The following STX7 variants were observed in gnomAD, a reference collection of about 807,000 sequenced individuals.
The protein encoded by STX7 is syntaxin 7.
In STX7, 34 loss-of-function variants were observed where a neutral mutation model predicts 39.6. The observed-to-expected ratio is 0.86, with a 90% CI of 0.65 to 1.14. STX7 has a LOEUF of 1.14. Ranked by LOEUF, STX7 falls within the 50% of genes most tolerant of loss-of-function variation. The pLI, the probability that STX7 is intolerant of heterozygous loss-of-function variation, is 0.00. For missense variants in STX7, 284 were observed against 310.4 expected (o/e 0.92, Z 0.64); for synonymous variants, 119 against 99.1 (o/e 1.20, Z -1.19).
intron 2 of STX7, among the ~76,000 whole-genome samples, chr6:132,494,261 G>A (rs1184882958): frequency 1.3e-5 from 2 of 152,042 alleles, no homozygotes; most frequent in Non-Finnish European, 2.9e-5. Context: ...CAAAAAACCT[G>A]TATAGTGTGA....
At chr6:132,496,078 G>T (rs945010292) in intron 2 of STX7, among the ~76,000 whole-genome samples, 1 of 152,040 alleles carries the variant, frequency 6.6e-6, no homozygotes, top group Non-Finnish European at 1.5e-5. Flanking sequence ...CCCCTAGAAG[G>T]TTCTGTCTTT....
chr6:132,470,807 C>T (rs11759401), intron 5 of STX7, among the ~76,000 whole-genome samples, 181 bp from the exon 6 acceptor site: 35,734 of 151,736 alleles, frequency 0.24, 4,531 homozygotes, highest in East Asian at 0.54. Flanking sequence ...TTCAGGTCAA[C>T]TGCTTCAAGT....
intron 2 of STX7, among the ~76,000 whole-genome samples, chr6:132,482,122 C>T (rs541877240): frequency 1.3e-5 from 2 of 152,112 alleles, no homozygotes; most frequent in African/African-American, 2.4e-5. Flanking sequence ...AAGATCAAAA[C>T]GTACGTAAGA....
At chr6:132,471,978 T>C (rs993416368) in intron 4 of STX7, among the ~76,000 whole-genome samples, 2 of 152,198 alleles carry the variant, frequency 1.3e-5, no homozygotes, top group African/African-American at 4.8e-5. Flanking sequence ...TGAATGAGCC[T>C]GCATGTTCCA....
At chr6:132,478,191 TA>T (rs574534113) in intron 2 of STX7, among the ~76,000 whole-genome samples, 32 of 148,670 alleles carry the variant, frequency 2.2e-4, no homozygotes, top group African/African-American at 4.9e-4. Context: ...TAAAGTATAA[TA>T]AAAAAAAAGA....
chr6:132,505,488 A>T (rs546752729), intron 1 of STX7, among the ~76,000 whole-genome samples: 61 of 152,306 alleles, frequency 4.0e-4, no homozygotes, highest in African/African-American at 1.4e-3. Flanking sequence ...GGTACAGCTG[A>T]TCTATTCTGG....
chr6:132,488,772 C>T (rs1368394031), intron 2 of STX7, among the ~76,000 whole-genome samples: 2 of 151,918 alleles, frequency 1.3e-5, no homozygotes, highest in Non-Finnish European at 2.9e-5. Context: ...CTAGCAGTTG[C>T]ATATAAGTGA....
At chr6:132,462,589 GT>G (rs1160956465) in intron 9 of STX7, among the ~76,000 whole-genome samples, 1 of 133,726 alleles carries the variant, frequency 7.5e-6, no homozygotes, top group African/African-American at 2.9e-5. Context: ...AGGGGTGTGT[GT>G]GTGTGTGTGT....
At chr6:132,493,963 T>G (rs2114449132) in intron 2 of STX7, among the ~76,000 whole-genome samples, 1 of 152,302 alleles carries the variant, frequency 6.6e-6, no homozygotes, top group Non-Finnish European at 1.5e-5. Context: ...TTACTGAGCA[T>G]AGATCATGTT....
chr6:132,476,476 A>G (rs1774878099), intron 2 of STX7, among the ~76,000 whole-genome samples: 3 of 152,156 alleles, frequency 2.0e-5, no homozygotes, highest in Admixed American at 2.0e-4. Flanking sequence ...ACAAAGACAG[A>G]GGTGCTTTCT....
chr6:132,484,575 A>G (rs1775084597), intron 2 of STX7, among the ~76,000 whole-genome samples: 1 of 152,212 alleles, frequency 6.6e-6, no homozygotes, highest in Non-Finnish European at 1.5e-5. Flanking sequence ...CCAAATAACT[A>G]AGAATAGCTA....
intron 7 of STX7, 70 bp downstream of exon 7, chr6:132,469,881 T>C: frequency 7.8e-7 from 1 of 1,287,522 alleles, no homozygotes; most frequent in Non-Finnish European, 1.1e-6. Context: ...CTCCCAGCAT[T>C]ACCTAAGCAT....
rs1218092754 is a variant in STX7 at position 132,475,628 on chromosome 6, T to C, written c.120A>G (p.Gly40=). ...TCAATTCAGGTGAATCTTGAGGTGT[T>C]CCAAGTTGATTCAGAGTTCTTTGTA... ...VEIQRTLNQL[G]TPQDSPELRQ... is the part of the protein sequence containing the mutation. Residue 40 remains glycine, a synonymous_variant, in exon 3 of 10, where the codon GGA becomes GGG. Transcript: ENST00000367941. The C allele has an allele frequency of 6.2e-7, 1 of 1,609,578 alleles. No individual in the cohort carries two copies. The highest frequency in any genetic ancestry group is 2.2e-5 in the East Asian group (1 of 44,682).
At chr6:132,499,750 T>C (rs932396785) in intron 2 of STX7, among the ~76,000 whole-genome samples, 7 of 152,206 alleles carry the variant, frequency 4.6e-5, no homozygotes, top group Non-Finnish European at 7.3e-5. Flanking sequence ...TTTACACCTA[T>C]GGTTTTAAAT....
intron 2 of STX7, among the ~76,000 whole-genome samples, chr6:132,501,209 C>T (rs1775551759): frequency 6.6e-6 from 1 of 152,104 alleles, no homozygotes; most frequent in South Asian, 2.1e-4. Flanking sequence ...TATGCCACAA[C>T]AGGCCCAGCT....
chr6:132,485,909 G>A (rs1359168514), intron 2 of STX7, among the ~76,000 whole-genome samples: 2 of 152,090 alleles, frequency 1.3e-5, no homozygotes, highest in Non-Finnish European at 2.9e-5. Flanking sequence ...ATTTTGTACT[G>A]TTCAGTGTTC....
chr6:132,496,906 G>T (rs186370182), intron 2 of STX7, among the ~76,000 whole-genome samples: 1 of 152,258 alleles, frequency 6.6e-6, no homozygotes, highest in East Asian at 1.9e-4. Context: ...AGTAAATCAT[G>T]AGAAACCTAT....
chr6:132,488,115 A>G (rs924626998), intron 2 of STX7, among the ~76,000 whole-genome samples: 2 of 152,144 alleles, frequency 1.3e-5, no homozygotes, highest in African/African-American at 4.8e-5. Flanking sequence ...ATATTTTCCA[A>G]TTCCTCTTTT....
rs1294865325 is a variant in STX7 at position 132,458,396 on chromosome 6, A to G, written c.*2362T>C. On this transcript the variant is annotated 3_prime_UTR_variant, in exon 10 of 10. Coordinates refer to ENST00000367941, the MANE Select transcript of STX7 (RefSeq NM_003569.3). ...TTACCATCAATCATATTGCAAAACC[A>G]TAGTATTTAACGACCAATAAACAGC... 2 of 152,212 alleles carry G rather than the reference A, an allele frequency of 1.3e-5. No individual in the cohort carries two copies. The highest frequency in any genetic ancestry group is 2.9e-5 in the Non-Finnish European group (2 of 68,034). 9.4% of individuals were successfully genotyped at this position (152,212 alleles called of 1,614,324 possible).
Sources: gnomAD v4.1 joint callset for allele counts (sites outside exome capture counted in the v4.1 genomes callset) on GRCh38, gnomAD v4.1.1 for gene constraint, MANE v1.5 for transcripts, NCBI Gene and HGNC (gene_info 2026-07-23, HGNC 2026-07-21) for gene names.